The following MEIS2 variants were observed in gnomAD, a reference collection of about 807,000 sequenced individuals.
MEIS2 encodes the protein Meis homeobox 2.
In MEIS2, 9 loss-of-function variants were observed where a neutral mutation model predicts 58.6. The observed-to-expected ratio is 0.15, with a 90% CI of 0.09 to 0.27. The LOEUF (loss-of-function observed/expected upper bound fraction) is 0.27. Among genes scored for constraint, MEIS2 ranks in the 10% least tolerant of loss-of-function variants. The pLI, the probability that MEIS2 is intolerant of heterozygous loss-of-function variation, is 1.00. For missense variants in MEIS2, 427 were observed against 635.0 expected (o/e 0.67, Z 3.52); for synonymous variants, 221 against 228.4 (o/e 0.97, Z 0.29).
chr15:36,912,840 A>G (rs975673467), intron 9 of MEIS2, among the ~76,000 whole-genome samples: 3 of 151,638 alleles, frequency 2.0e-5, no homozygotes, highest in African/African-American at 7.3e-5. Flanking sequence ...TGAAAAAAAA[A>G]AAAAAAAGAA....
intron 8 of MEIS2, among the ~76,000 whole-genome samples, chr15:37,030,313 C>G (rs980603547): frequency 6.6e-6 from 1 of 152,056 alleles, no homozygotes; most frequent in Non-Finnish European, 1.5e-5. Context: ...ATATGGATTT[C>G]GGAAGGCAGA....
intron 9 of MEIS2, among the ~76,000 whole-genome samples, chr15:36,920,880 A>T (rs1440498669): frequency 2.0e-5 from 3 of 152,188 alleles, no homozygotes; most frequent in Non-Finnish European, 1.5e-5. Flanking sequence ...CAGTCTGACA[A>T]ATATGGGTGG....
intron 9 of MEIS2, among the ~76,000 whole-genome samples, chr15:36,921,918 G>A (rs185941891): frequency 4.6e-5 from 7 of 152,304 alleles, no homozygotes; most frequent in South Asian, 4.2e-4. Context: ...GAGGGCTTCC[G>A]TGTGGGAAAT....
chr15:36,990,477 C>T (rs2060235869), intron 8 of MEIS2, among the ~76,000 whole-genome samples: 1 of 152,050 alleles, frequency 6.6e-6, no homozygotes, highest in Non-Finnish European at 1.5e-5. Context: ...CTCTTGTTCA[C>T]TTAAATCATT....
At chr15:37,045,639 A>G (rs1010611332) in intron 7 of MEIS2, among the ~76,000 whole-genome samples, 3 of 152,126 alleles carry the variant, frequency 2.0e-5, no homozygotes, top group Non-Finnish European at 4.4e-5. Flanking sequence ...GGGGCTGTAG[A>G]CCCAGAAACA....
upstream of MEIS2, chr15:37,100,584 C>CG (rs1180157957): frequency 0.013 from 12 of 950 alleles, no homozygotes; most frequent in South Asian, 0.028. Flanking sequence ...GTGGGGGAGG[C>CG]GGGGGGGCGG....
At chr15:37,032,981 C>T (rs1156305782) in intron 8 of MEIS2, among the ~76,000 whole-genome samples, 1 of 152,032 alleles carries the variant, frequency 6.6e-6, no homozygotes, top group Non-Finnish European at 1.5e-5. Flanking sequence ...GTTACCTTTC[C>T]CCCTGAAGTT....
intron 8 of MEIS2, among the ~76,000 whole-genome samples, chr15:37,001,058 C>A (rs2141596916): frequency 6.6e-6 from 1 of 152,272 alleles, no homozygotes; most frequent in East Asian, 1.9e-4. Context: ...CTCTGTCGAC[C>A]TTGATCTGTT....
intron 7 of MEIS2, among the ~76,000 whole-genome samples, chr15:37,071,070 C>T (rs1468476719): frequency 6.6e-6 from 1 of 151,990 alleles, no homozygotes; most frequent in Non-Finnish European, 1.5e-5. Flanking sequence ...GTCCCTATTA[C>T]CTAGCAAATC....
Position 36,892,078 on chromosome 15 carries a change from TG to T in MEIS2, c.*94del. 7.6e-7 allele frequency: 1 copy of T among 1,324,204 alleles called. No individual in the cohort carries two copies. The highest frequency in any genetic ancestry group is 1.1e-6 in the Non-Finnish European group (1 of 938,872). The allele number at this position is 1,324,204 out of a possible 1,614,324, so 82.0% of individuals were successfully genotyped here. A position where few individuals can be genotyped will look rare whatever the true frequency, so the allele number is the denominator to read the frequency against. ...AAAGTAAAAAATAATCACAGCTGTC[TG>T]GAATTTCATATTAAGTGTCAACATC... On this transcript the variant is annotated 3_prime_UTR_variant, in exon 12 of 12. Transcript: ENST00000561208.
chr15:36,913,996 T>G (rs975235726), intron 9 of MEIS2, among the ~76,000 whole-genome samples: 8 of 152,216 alleles, frequency 5.3e-5, no homozygotes, highest in Admixed American at 3.3e-4. Context: ...CATAGTTTCT[T>G]GGCCACTTCC....
rs76221352 is a variant in MEIS2 at position 36,900,804 on chromosome 15, A to C, written c.978-4118T>G. Among the ~76,000 whole-genome samples, 353 of 152,310 alleles carry C rather than the reference A, an allele frequency of 2.3e-3. 11 individuals carry two copies. The East Asian group carries it at 0.058, about 25-fold the overall frequency. Reference sequence around the variant, plus strand: ...TTACTCCGAAGTATGGTTCAGATTGATAGAAGTAGATTTAGGTGTCATTCC... The same window carrying C: ...TTACTCCGAAGTATGGTTCAGATTGCTAGAAGTAGATTTAGGTGTCATTCC... On this transcript the variant is annotated intron_variant, in intron 9 of 11. Coordinates refer to ENST00000561208, the MANE Select transcript of MEIS2 (RefSeq NM_170675.5).
At chr15:37,087,621 A>T (rs913811357) in intron 6 of MEIS2, among the ~76,000 whole-genome samples, 1 of 152,142 alleles carries the variant, frequency 6.6e-6, no homozygotes, top group Non-Finnish European at 1.5e-5. Context: ...TTGATTTAGC[A>T]CTATCATTGA....
intron 8 of MEIS2, among the ~76,000 whole-genome samples, chr15:37,025,029 T>A (rs2061653767): frequency 6.6e-6 from 1 of 152,234 alleles, no homozygotes; most frequent in Non-Finnish European, 1.5e-5. Flanking sequence ...ATGAATGGTC[T>A]GTCAGGTCTT....
chr15:36,895,029 C>T, intron 11 of MEIS2, 122 bp downstream of exon 11: 2 of 953,264 alleles, frequency 2.1e-6, no homozygotes, highest in Non-Finnish European at 3.2e-6. Flanking sequence ...AGAAAGCAGG[C>T]AGAGCAGGCA....
At chr15:36,911,883 A>G (rs1335159068) in intron 9 of MEIS2, among the ~76,000 whole-genome samples, 1 of 152,192 alleles carries the variant, frequency 6.6e-6, no homozygotes, top group Non-Finnish European at 1.5e-5. Flanking sequence ...GAATTGGCAA[A>G]GCAATTCTTA....
intron 8 of MEIS2, among the ~76,000 whole-genome samples, chr15:37,034,949 A>G (rs1307043675): frequency 6.6e-6 from 1 of 152,174 alleles, no homozygotes; most frequent in African/African-American, 2.4e-5. Context: ...CCTCATCTAT[A>G]AACAGAGCAG....
intron 8 of MEIS2, among the ~76,000 whole-genome samples, chr15:37,029,537 TG>T (rs1045954921): frequency 2.6e-5 from 4 of 152,096 alleles, no homozygotes. Context: ...GGGATACATT[TG>T]TGGAAATGGA....
chr15:36,959,066 T>C (rs1296793066), intron 8 of MEIS2, among the ~76,000 whole-genome samples: 1 of 152,180 alleles, frequency 6.6e-6, no homozygotes, highest in Admixed American at 6.5e-5. Flanking sequence ...TTAGCGGTCA[T>C]CTAACTCAAA....
Sources: gnomAD v4.1 joint callset for allele counts (sites outside exome capture counted in the v4.1 genomes callset) on GRCh38, gnomAD v4.1.1 for gene constraint, MANE v1.5 for transcripts, NCBI Gene and HGNC (gene_info 2026-07-23, HGNC 2026-07-21) for gene names.